Variants in NOVA1 observed in about 807,000 individuals in gnomAD.
NOVA1 encodes the protein NOVA alternative splicing regulator 1, also known as RNA-binding protein Nova-1.
In NOVA1, 7 loss-of-function variants were observed where a neutral mutation model predicts 38.0. That is an observed-to-expected ratio of 0.18 (90% CI 0.10 to 0.35). NOVA1 has a LOEUF of 0.35. Ranked by LOEUF, NOVA1 falls within the 10% of genes least tolerant of loss-of-function variation. The pLI, the probability that NOVA1 is intolerant of heterozygous loss-of-function variation, is 1.00. For synonymous variants in NOVA1, 270 were observed against 232.5 expected (o/e 1.16, Z -1.47); for missense variants, 460 against 616.0 (o/e 0.75, Z 2.68).
chr14:26,550,915 T>G (rs1396873663), intron 2 of NOVA1, among the ~76,000 whole-genome samples: 1 of 152,066 alleles, frequency 6.6e-6, no homozygotes, highest in African/African-American at 2.4e-5. Flanking sequence ...CTTAAATTCT[T>G]TCTATAATAA....
chr14:26,549,912 A>C (rs1891061628), intron 2 of NOVA1: 1 of 307,762 alleles, frequency 3.2e-6, no homozygotes, highest in South Asian at 2.9e-5. Flanking sequence ...AAAATATATA[A>C]GAACAAAGTG....
chr14:26,593,595 T>C (rs991627757), intron 2 of NOVA1: 12 of 151,948 alleles, frequency 7.9e-5, no homozygotes, highest in African/African-American at 2.7e-4. Flanking sequence ...ACACACAAAA[T>C]TTTATTCAAC....
intron 2 of NOVA1, among the ~76,000 whole-genome samples, chr14:26,563,327 T>TAAA (rs57064982): frequency 7.3e-6 from 1 of 137,410 alleles, no homozygotes; most frequent in Non-Finnish European, 1.6e-5. Flanking sequence ...TATGTCACAT[T>TAAA]AAAAAAAAAA....
chr14:26,575,589 T>G lies in NOVA1; in HGVS notation c.280+19821A>C, dbSNP rs556712262. ...TCCTTATAATCCAGGAAGCCACAAC[T>G]ACTACAGTTTTCCTTTTTCACAACA... On this transcript the variant is annotated intron_variant, in intron 2 of 4. Coordinates refer to ENST00000539517, the MANE Select transcript of NOVA1 (RefSeq NM_002515.3). 1.4e-4 allele frequency among the ~76,000 whole-genome samples: 22 copies of G among 152,198 alleles called. No homozygotes were observed. In the South Asian group the frequency reaches 1.9e-3, roughly 13 times the overall value.
At chr14:26,488,785 C>T (rs1004844407) in intron 2 of NOVA1, among the ~76,000 whole-genome samples, 2 of 152,124 alleles carry the variant, frequency 1.3e-5, no homozygotes, top group Non-Finnish European at 2.9e-5. Context: ...CTTGTCTCCA[C>T]TCCCCCTCAA....
chr14:26,559,893 A>G (rs1891716512), intron 2 of NOVA1, among the ~76,000 whole-genome samples: 1 of 152,146 alleles, frequency 6.6e-6, no homozygotes, highest in African/African-American at 2.4e-5. Context: ...AAAGAAAGAT[A>G]AATATTTAAG....
chr14:26,526,441 G>T (rs548333544), intron 2 of NOVA1, among the ~76,000 whole-genome samples: 1 of 151,914 alleles, frequency 6.6e-6, no homozygotes, highest in Non-Finnish European at 1.5e-5. Flanking sequence ...AAAACTCCTT[G>T]GCACTATTTT....
chr14:26,472,338 G>T lies in NOVA1; in HGVS notation c.501C>A (p.Thr167=). The T allele has an allele frequency of 6.3e-7, 1 of 1,595,804 alleles. No homozygotes were observed. The highest frequency in any genetic ancestry group is 8.6e-7 in the Non-Finnish European group (1 of 1,167,728). The change falls in exon 4 of 5, where the codon ACC becomes ACA. Residue 167 remains threonine (T), a synonymous_variant. Transcript: ENST00000539517. ...TTKSSPSDPM[T]TSRANQVKII... ...ACTGTACCTGATTAGCTCTGGAGGT[G>T]GTCATGGGATCAGATGGAGAGGACT...
rs992884519 is a variant in NOVA1 at position 26,545,608 on chromosome 14, C to CTGCA, written c.280+49798_280+49801dup. Among the ~76,000 whole-genome samples, 5 of 152,128 alleles carry CTGCA rather than the reference C, an allele frequency of 3.3e-5. 1 individual carries two copies. The highest frequency in any genetic ancestry group is 1.2e-4 in the African/African-American group (5 of 41,436). On this transcript the variant is annotated intron_variant, in intron 2 of 4. Coordinates refer to ENST00000539517, the MANE Select transcript of NOVA1 (RefSeq NM_002515.3). ...GTTTGGTAACACTCATTTTCATACA[C>CTGCA]TGCACATCTATTATATGCTAAGCAC... is the stretch of plus-strand genomic sequence containing the variant.
chr14:26,484,430 A>G (rs1885716859), intron 2 of NOVA1, among the ~76,000 whole-genome samples: 1 of 2,112 alleles, frequency 4.7e-4, no homozygotes, highest in Admixed American at 0.011. Flanking sequence ...TCCGTCTCGA[A>G]AAAAAAAAAA....
intron 2 of NOVA1, among the ~76,000 whole-genome samples, chr14:26,587,308 T>TAAAAAAAAAAAAAAAAAAAAAAAA (rs34853058): frequency 8.1e-6 from 1 of 123,702 alleles, no homozygotes; most frequent in Non-Finnish European, 1.6e-5. Flanking sequence ...CTAAAATATA[T>TAAAAAAAAAAAAAAAAAAAAAAAA]AAAAAAAAAA....
At position 26,443,931 on chromosome 14, in the gene NOVA1, G is replaced by A. The variant is rs1435930676; in HGVS notation, c.*4028C>T. 6.6e-6 allele frequency: 1 copy of A among 151,926 alleles called. No individual in the cohort carries two copies. Among genetic ancestry groups the A allele is most frequent in the African/African-American group, 2.4e-5 (1 of 41,380 alleles). 9.4% of individuals were successfully genotyped at this position (151,926 alleles called of 1,614,324 possible). A position where few individuals can be genotyped will look rare whatever the true frequency, so the allele number is the denominator to read the frequency against. On this transcript the variant is annotated 3_prime_UTR_variant, in exon 5 of 5. Coordinates refer to ENST00000539517, the MANE Select transcript of NOVA1 (RefSeq NM_002515.3). Reference sequence around the variant, plus strand: ...TCTCAAATAGTGCCTGTGATGTAAGGGGTATTAAATTATATTTTCATCTCT... The same window carrying A: ...TCTCAAATAGTGCCTGTGATGTAAGAGGTATTAAATTATATTTTCATCTCT...
chr14:26,470,327 T>C, intron 4 of NOVA1: 1 of 1,448,350 alleles, frequency 6.9e-7, no homozygotes, highest in Non-Finnish European at 9.4e-7. Context: ...CCTTCTGCCC[T>C]ACCACATGAT....
At chr14:26,489,790 C>T (rs183072590) in intron 2 of NOVA1, among the ~76,000 whole-genome samples, 2 of 152,116 alleles carry the variant, frequency 1.3e-5, no homozygotes, top group South Asian at 2.1e-4. Context: ...GACCAGAGAT[C>T]ATGCCACTGC....
chr14:26,519,759 C>T (rs1888738108), intron 2 of NOVA1, among the ~76,000 whole-genome samples: 3 of 151,928 alleles, frequency 2.0e-5, no homozygotes, highest in Admixed American at 2.0e-4. Context: ...AAAACAAAAG[C>T]TGCATGACTT....
Position 26,448,608 on chromosome 14 carries a change from G to A in NOVA1, c.875C>T (p.Ala292Val). The A allele has an allele frequency of 6.2e-7, 1 of 1,614,242 alleles. No individual in the cohort carries two copies. Among genetic ancestry groups the A allele is most frequent in the Non-Finnish European group, 8.5e-7 (1 of 1,180,042 alleles). ...AAAGGCTGCAACGCCAGCAAGGTTA[G>A]CATGTCCTAATAGCCCTGCAGCTGC... ...AAAAAGLLGH[A>V]NLAGVAAFPA... Residue 292 changes from alanine to valine, a missense_variant, in exon 5 of 5, where the codon GCT becomes GTT. By Grantham distance (64) the Ala-to-Val change is moderately conservative (BLOSUM62 0). Coordinates refer to ENST00000539517, the MANE Select transcript of NOVA1 (RefSeq NM_002515.3). The surrounding 1 kb of genome is among the most constrained non-coding windows in gnomAD (Gnocchi z 5.3).
intron 3 of NOVA1, among the ~76,000 whole-genome samples, chr14:26,477,110 C>CA (rs1344912399): frequency 6.6e-6 from 1 of 152,148 alleles, no homozygotes; most frequent in East Asian, 1.9e-4. Flanking sequence ...ACTTATCTCA[C>CA]AAACTGGTCT....
chr14:26,564,707 GT>G (rs140815786), intron 2 of NOVA1, among the ~76,000 whole-genome samples: 4,822 of 152,182 alleles, frequency 0.032, 134 homozygotes, highest in Non-Finnish European at 0.043. Flanking sequence ...TTCAAACCCA[GT>G]TCTGCCTCAC....
chr14:26,573,467 A>T (rs1236512546), intron 2 of NOVA1, among the ~76,000 whole-genome samples: 2 of 152,124 alleles, frequency 1.3e-5, no homozygotes, highest in African/African-American at 4.8e-5. Context: ...ATAAAATAAG[A>T]ACTGAACATA....
Sources: gnomAD v4.1 joint callset for allele counts (sites outside exome capture counted in the v4.1 genomes callset) on GRCh38, gnomAD v4.1.1 for gene constraint, Gnocchi (gnomAD v3.1) non-coding constraint, MANE v1.5 for transcripts, NCBI Gene and HGNC (gene_info 2026-07-23, HGNC 2026-07-21) for gene names.